Variants in ARHGAP42 observed in about 807,000 individuals in gnomAD.
ARHGAP42 encodes Rho GTPase activating protein 42.
A neutral mutation model predicts 125.0 loss-of-function variants in ARHGAP42; 63 were observed. That is an observed-to-expected ratio of 0.50 (90% CI 0.41 to 0.62). The LOEUF (loss-of-function observed/expected upper bound fraction) is 0.62. Among genes scored for constraint, ARHGAP42 ranks in the 20% least tolerant of loss-of-function variants. The probability of loss-of-function intolerance (pLI) is 0.00; values close to 1 mark genes in which losing one functional copy is unlikely to be tolerated. For missense variants in ARHGAP42, 766 were observed against 1,024.2 expected (o/e 0.75, Z 3.44); for synonymous variants, 339 against 351.0 (o/e 0.97, Z 0.38).
intron 2 of ARHGAP42, among the ~76,000 whole-genome samples, chr11:100,785,891 A>G (rs576846130): frequency 5.3e-5 from 8 of 152,260 alleles, no homozygotes; most frequent in African/African-American, 1.9e-4. Flanking sequence ...TTTGACAATA[A>G]TGGTTTGTTG....
chr11:100,855,907 C>T (rs1865312229), intron 3 of ARHGAP42, among the ~76,000 whole-genome samples: 1 of 151,962 alleles, frequency 6.6e-6, no homozygotes, highest in Non-Finnish European at 1.5e-5. Flanking sequence ...TAGGTAATGG[C>T]TAGTAATTAT....
intron 1 of ARHGAP42, among the ~76,000 whole-genome samples, chr11:100,706,784 C>T (rs1012072341): frequency 6.6e-6 from 1 of 151,998 alleles, no homozygotes; most frequent in Non-Finnish European, 1.5e-5. Flanking sequence ...TAAAATTTAC[C>T]CTTTTAAGAA....
intron 4 of ARHGAP42, among the ~76,000 whole-genome samples, chr11:100,875,311 G>C (rs555708844): frequency 2.6e-5 from 4 of 151,762 alleles, no homozygotes; most frequent in Non-Finnish European, 5.9e-5. Context: ...TTAGTAACCC[G>C]GTGCCCAGCC....
Position 100,736,110 on chromosome 11 carries a change from A to C in ARHGAP42, c.155-34233A>C, listed in dbSNP as rs1220878503. On this transcript the variant is annotated intron_variant, in intron 1 of 23. Coordinates refer to ENST00000298815, the MANE Select transcript of ARHGAP42 (RefSeq NM_152432.4). The stretch of plus-strand genomic sequence containing the variant: ...AGCTGTTTCTACTGGGGACACCTAG[A>C]GTAGGGCAATGGGAGATGATAATGT... 2.0e-5 allele frequency among the ~76,000 whole-genome samples: 3 copies of C among 152,200 alleles called. No homozygotes were observed. The East Asian group carries it at 5.8e-4, about 29-fold the overall frequency.
intron 3 of ARHGAP42, among the ~76,000 whole-genome samples, chr11:100,847,959 T>A (rs1240162443): frequency 6.6e-6 from 1 of 151,796 alleles, no homozygotes; most frequent in East Asian, 1.9e-4. Context: ...GAGTGTAGAG[T>A]GTTTTCTTAT....
chr11:100,991,307 T>G lies in ARHGAP42; in HGVS notation c.*2506T>G, dbSNP rs542949446. 6.6e-6 allele frequency: 1 copy of G among 152,254 alleles called. No homozygotes were observed. Among genetic ancestry groups the G allele is most frequent in the East Asian group, 1.9e-4 (1 of 5,182 alleles). The allele number at this position is 152,254 out of a possible 1,614,324, so 9.4% of individuals were successfully genotyped here. A position where few individuals can be genotyped will look rare whatever the true frequency, so the allele number is the denominator to read the frequency against. ...AGAAAGTCAGGACATGTACTCTAAA[T>G]CACACAGAATGTTAATTCCACAGGA... On this transcript the variant is annotated 3_prime_UTR_variant, in exon 24 of 24. Coordinates refer to ENST00000298815, the MANE Select transcript of ARHGAP42 (RefSeq NM_152432.4).
intron 4 of ARHGAP42, among the ~76,000 whole-genome samples, chr11:100,887,699 G>A (rs1866125276): frequency 6.6e-6 from 1 of 152,188 alleles, no homozygotes; most frequent in Admixed American, 6.5e-5. Context: ...CACTCACAAG[G>A]ATGGATACAG....
Position 100,967,032 on chromosome 11 carries a change from G to A in ARHGAP42, c.1550+1256G>A, listed in dbSNP as rs75768381. On this transcript the variant is annotated intron_variant, in intron 17 of 23. Transcript: ENST00000298815. ...TTGCTCATCCTTCCCCAGCATTCCTGGCTTCTTTCTGAACTTACAAAAGGT... is the reference window on the plus strand; with the variant it reads ...TTGCTCATCCTTCCCCAGCATTCCTAGCTTCTTTCTGAACTTACAAAAGGT... Among the ~76,000 whole-genome samples the A allele has an allele frequency of 7.8e-3, 1,179 of 151,360 alleles. 20 individuals are homozygous for A. The highest frequency in any genetic ancestry group is 0.027 in the African/African-American group (1,106 of 41,442).
intron 2 of ARHGAP42, among the ~76,000 whole-genome samples, chr11:100,792,477 T>A (rs1863588565): frequency 6.6e-6 from 1 of 152,154 alleles, no homozygotes; most frequent in Admixed American, 6.5e-5. Context: ...TTCAAGACCG[T>A]GATTGTCCTG....
intron 4 of ARHGAP42, among the ~76,000 whole-genome samples, chr11:100,870,043 A>G (rs976049219): frequency 1.8e-4 from 28 of 152,184 alleles, no homozygotes; most frequent in Non-Finnish European, 1.5e-4. Context: ...AGCCTCATTT[A>G]TGTCATTCTT....
At chr11:100,876,542 C>T (rs1029080419) in intron 4 of ARHGAP42, among the ~76,000 whole-genome samples, 1 of 152,170 alleles carries the variant, frequency 6.6e-6, no homozygotes, top group African/African-American at 2.4e-5. Context: ...ACGGATTTGT[C>T]TGTATGCACT....
intron 3 of ARHGAP42, among the ~76,000 whole-genome samples, chr11:100,825,483 C>T (rs1046883067): frequency 1.3e-5 from 2 of 152,108 alleles, no homozygotes; most frequent in African/African-American, 4.8e-5. Context: ...AAAAACAACA[C>T]GATTTTTATT....
At chr11:100,846,272 C>T (rs934834689) in intron 3 of ARHGAP42, among the ~76,000 whole-genome samples, 1 of 152,152 alleles carries the variant, frequency 6.6e-6, no homozygotes, top group Non-Finnish European at 1.5e-5. Context: ...TATCTTCATA[C>T]TGAATCCATG....
Position 100,959,950 on chromosome 11 carries a change from G to T in ARHGAP42, c.1225+5G>T, listed in dbSNP as rs890045516. On this transcript the variant is annotated splice_donor_5th_base_variant and intron_variant, in intron 13 of 23. Transcript: ENST00000298815. ...TTCAAGCTGTGGAAACAAGAGGTCAGTGTTGCCTGATTGGTACAGCATCCC... is the reference window on the plus strand; with the variant it reads ...TTCAAGCTGTGGAAACAAGAGGTCATTGTTGCCTGATTGGTACAGCATCCC... The T allele has an allele frequency of 6.4e-7, 1 of 1,550,936 alleles. No individual in the cohort carries two copies. The highest frequency in any genetic ancestry group is 1.2e-5 in the South Asian group (1 of 84,026).
At chr11:100,835,798 T>C (rs1275649236) in intron 3 of ARHGAP42, among the ~76,000 whole-genome samples, 1 of 152,088 alleles carries the variant, frequency 6.6e-6, no homozygotes, top group Admixed American at 6.6e-5. Context: ...CCTTATACAA[T>C]TGGTAATTGT....
intron 4 of ARHGAP42, among the ~76,000 whole-genome samples, chr11:100,884,939 C>T (rs952096646): frequency 2.0e-5 from 3 of 152,150 alleles, no homozygotes; most frequent in Non-Finnish European, 1.5e-5. Context: ...TCCCTGCCTG[C>T]TCCCTCCTGA....
chr11:100,812,509 G>A (rs145114123), intron 3 of ARHGAP42, among the ~76,000 whole-genome samples: 8 of 152,306 alleles, frequency 5.3e-5, no homozygotes, highest in African/African-American at 1.9e-4. Context: ...TGGAAAAAGG[G>A]AGATAAACTA....
chr11:100,936,638 G>A (rs1322500641), intron 8 of ARHGAP42, among the ~76,000 whole-genome samples: 1 of 152,128 alleles, frequency 6.6e-6, no homozygotes, highest in Non-Finnish European at 1.5e-5. Flanking sequence ...GCAAGCCAAA[G>A]CCTTTACTGA....
intron 12 of ARHGAP42, among the ~76,000 whole-genome samples, chr11:100,955,431 G>A (rs1394122860): frequency 6.6e-6 from 1 of 152,104 alleles, no homozygotes; most frequent in Admixed American, 6.6e-5. Flanking sequence ...AGGAGATACA[G>A]GGCTGGGGTA....
Sources: allele counts gnomAD v4.1 joint callset (sites outside exome capture counted in the v4.1 genomes callset), GRCh38; gene constraint gnomAD v4.1.1; transcripts MANE v1.5; gene names NCBI Gene and HGNC (gene_info 2026-07-23, HGNC 2026-07-21).